Variants in WBP11 observed in about 807,000 individuals in gnomAD.
The protein encoded by WBP11 is WW domain binding protein 11, also known as WW domain-binding protein 11.
WBP11 carries 12 observed loss-of-function variants against 66.7 expected under a neutral mutation model. The ratio of observed to expected loss-of-function variants is 0.18; its 90% CI spans 0.12 to 0.29. The LOEUF (loss-of-function observed/expected upper bound fraction) is 0.29, where lower values mean the gene tolerates loss of function less well. Among genes scored for constraint, WBP11 ranks in the 10% least tolerant of loss-of-function variants. The pLI is 1.00. For missense variants in WBP11, 555 were observed against 818.3 expected (o/e 0.68, Z 3.93); for synonymous variants, 255 against 273.8 (o/e 0.93, Z 0.68).
intron 8 of WBP11, among the ~76,000 whole-genome samples, chr12:14,792,529 A>G (rs1949832336): frequency 7.6e-6 from 1 of 131,548 alleles, no homozygotes; most frequent in African/African-American, 2.6e-5. Context: ...ATGTGTGTTG[A>G]TGAGAATATA....
intron 8 of WBP11, among the ~76,000 whole-genome samples, chr12:14,793,282 A>G (rs534516048): frequency 3.2e-4 from 48 of 152,312 alleles, no homozygotes; most frequent in Non-Finnish European, 6.6e-4. Flanking sequence ...TAGATATAAT[A>G]TGTTTCATGA....
chr12:14,800,673 T>C, intron 3 of WBP11, 79 bp downstream of exon 3: 2 of 1,287,276 alleles, frequency 1.6e-6, no homozygotes, highest in Non-Finnish European at 2.2e-6. Flanking sequence ...AGAAATGTTA[T>C]TCTGAAACCC....
In WBP11 at chr12:14,789,153, AAATT is replaced by A. The variant is rs779126182; in HGVS notation, c.1310-24_1310-21del. 2.6e-6 allele frequency: 4 copies of A among 1,524,006 alleles called. No homozygotes were observed. The highest frequency in any genetic ancestry group is 2.5e-5 in the Admixed American group (1 of 40,576). 94.4% of individuals were successfully genotyped at this position (1,524,006 alleles called of 1,614,324 possible). A position where few individuals can be genotyped will look rare whatever the true frequency, so the allele number is the denominator to read the frequency against. ...GAGCTCCTGAAAAGAGAAAAATGAT[AAATT>A]AATGTCACACAAATGTACACTAAGT... On this transcript the variant is annotated intron_variant, in intron 10 of 11. Coordinates refer to ENST00000261167, the MANE Select transcript of WBP11 (RefSeq NM_016312.3).
At chr12:14,792,748 G>A (rs977024691) in intron 8 of WBP11, among the ~76,000 whole-genome samples, 4 of 151,568 alleles carry the variant, frequency 2.6e-5, no homozygotes, top group African/African-American at 4.9e-5. Flanking sequence ...CAGGAGAATC[G>A]CTTGAACCTA....
chr12:14,793,174 T>C (rs567014852), intron 8 of WBP11, among the ~76,000 whole-genome samples: 7 of 152,308 alleles, frequency 4.6e-5, no homozygotes, highest in Admixed American at 3.3e-4. Flanking sequence ...TTTGACAGAA[T>C]TGGTGTGCAT....
chr12:14,796,736 G>T lies in WBP11; in HGVS notation c.387+71C>A. Reference sequence around the variant, plus strand: ...AAATCCAAAACACTTCTGGTCCCAAGCACTTTGCATAAGGGATACTCAATC... The same window carrying T: ...AAATCCAAAACACTTCTGGTCCCAATCACTTTGCATAAGGGATACTCAATC... On this transcript the variant is annotated intron_variant, in intron 5 of 11. Coordinates refer to ENST00000261167, the MANE Select transcript of WBP11 (RefSeq NM_016312.3). This position sits in a 1 kb window ranked among gnomAD's most constrained non-coding sequence, Gnocchi z 4.5. 7.2e-7 allele frequency: 1 copy of T among 1,393,302 alleles called. No individual in the cohort carries two copies. 86.3% of individuals were successfully genotyped at this position (1,393,302 alleles called of 1,614,324 possible).
chr12:14,791,365 T>A, intron 8 of WBP11, 95 bp from the exon 9 acceptor site: 1 of 937,934 alleles, frequency 1.1e-6, no homozygotes, highest in Non-Finnish European at 1.7e-6. Flanking sequence ...ATATGATTGC[T>A]ACCCACTACT....
intron 6 of WBP11, 88 bp downstream of exon 6, chr12:14,794,882 CT>C: frequency 1.2e-6 from 2 of 1,603,170 alleles, no homozygotes; most frequent in East Asian, 4.5e-5. Context: ...TCCATATTGT[CT>C]TTTATTTCCC....
chr12:14,789,264 T>C lies in WBP11; in HGVS notation c.1310-131A>G, dbSNP rs1290815415. On this transcript the variant is annotated intron_variant, in intron 10 of 11. Coordinates refer to ENST00000261167, the MANE Select transcript of WBP11 (RefSeq NM_016312.3). ...TTAACTTCAAGAAGTTAATGAAACA[T>C]ACATGGAAACAGAATTCATTCAATA... 5.8e-6 allele frequency: 5 copies of C among 855,102 alleles called. No individual in the cohort carries two copies. In the African/African-American group the frequency reaches 9.2e-5, roughly 16 times the overall value. 53.0% of individuals were successfully genotyped at this position (855,102 alleles called of 1,614,324 possible).
At position 14,794,741 on chromosome 12, in the gene WBP11, T is replaced by TAAA. The variant is rs34868934; in HGVS notation, c.522-8_522-6dup. On this transcript the variant is annotated splice_polypyrimidine_tract_variant and splice_region_variant and intron_variant, in intron 6 of 11. Coordinates refer to ENST00000261167, the MANE Select transcript of WBP11 (RefSeq NM_016312.3). ...GAAACTGCCCGAGTTGGAGGTCTGT[T>TAAA]AAAAAAAAAAACAAAAACAAAAAAA... The TAAA allele has an allele frequency of 7.3e-7, 1 of 1,372,602 alleles. No homozygotes were observed. The allele number at this position is 1,372,602 out of a possible 1,614,324, so 85.0% of individuals were successfully genotyped here.
At chr12:14,788,293 C>G (rs1406539620) in intron 11 of WBP11, among the ~76,000 whole-genome samples, 1 of 152,128 alleles carries the variant, frequency 6.6e-6, no homozygotes, top group African/African-American at 2.4e-5. Flanking sequence ...CACAATCTGT[C>G]ATCATTACTG....
At chr12:14,801,247 A>G in intron 2 of WBP11, 73 bp downstream of exon 2, 1 of 1,454,430 alleles carries the variant, frequency 6.9e-7, no homozygotes, top group South Asian at 1.1e-5. Context: ...TAAGCCACAG[A>G]GAAAGAAATT....
chr12:14,793,974 A>T (rs1299812803), intron 7 of WBP11, 52 bp from the exon 8 acceptor site: 3 of 1,414,826 alleles, frequency 2.1e-6, no homozygotes, highest in Non-Finnish European at 2.9e-6. Context: ...ACCCTCCACT[A>T]CATGGTACCC....
At chr12:14,793,540 T>C (rs189811482) in intron 8 of WBP11, among the ~76,000 whole-genome samples, 191 bp downstream of exon 8, 2 of 152,196 alleles carry the variant, frequency 1.3e-5, no homozygotes, top group Non-Finnish European at 2.9e-5. Flanking sequence ...GTTTAATGCT[T>C]TTCCTCATAA....
rs951315541 is a variant in WBP11, at chr12:14,791,047, T to C, written c.1015+122A>G. ...TATATAATGGTTCCAAACCTTATTT[T>C]TGTAAAACAAGGACTTATTACTTAC... is the stretch of plus-strand genomic sequence containing the variant. On this transcript the variant is annotated intron_variant, in intron 9 of 11. Coordinates refer to ENST00000261167, the MANE Select transcript of WBP11 (RefSeq NM_016312.3). The C allele has an allele frequency of 6.0e-6, 6 of 1,002,314 alleles. No homozygotes were observed. In the African/African-American group the frequency reaches 9.8e-5, roughly 16 times the overall value. 62.1% of individuals were successfully genotyped at this position (1,002,314 alleles called of 1,614,324 possible). A position where few individuals can be genotyped will look rare whatever the true frequency, so the allele number is the denominator to read the frequency against.
intron 8 of WBP11, 81 bp from the exon 9 acceptor site, chr12:14,791,351 C>T: frequency 8.6e-7 from 1 of 1,167,398 alleles, no homozygotes; most frequent in Non-Finnish European, 1.3e-6. Context: ...CTATAAAGTA[C>T]TAGATATGAT....
chr12:14,802,972 A>G (rs946204414), intron 1 of WBP11, among the ~76,000 whole-genome samples: 5 of 152,210 alleles, frequency 3.3e-5, no homozygotes, highest in Non-Finnish European at 7.4e-5. Flanking sequence ...ATCAAGCCAA[A>G]TAAGCGTTGG....
At chr12:14,793,983 C>G in intron 7 of WBP11, 61 bp from the exon 8 acceptor site, 1 of 1,294,332 alleles carries the variant, frequency 7.7e-7, no homozygotes. Flanking sequence ...TACATGGTAC[C>G]CAGAAATACA....
intron 1 of WBP11, among the ~76,000 whole-genome samples, chr12:14,802,261 T>G (rs1408798538): frequency 6.6e-6 from 1 of 152,230 alleles, no homozygotes; most frequent in Non-Finnish European, 1.5e-5. Flanking sequence ...ATAATGGGGC[T>G]TAATTTTTTG....
Sources: allele counts gnomAD v4.1 joint callset (sites outside exome capture counted in the v4.1 genomes callset), GRCh38; gene constraint gnomAD v4.1.1; non-coding constraint Gnocchi (gnomAD v3.1); transcripts MANE v1.5; gene names NCBI Gene and HGNC (gene_info 2026-07-23, HGNC 2026-07-21).